The following MON2 variants were observed in gnomAD, a reference collection of about 807,000 sequenced individuals.
MON2 encodes protein MON2 homolog.
In MON2, 84 loss-of-function variants were observed where a neutral mutation model predicts 208.6. The ratio of observed to expected loss-of-function variants is 0.40; its 90% confidence interval spans 0.34 to 0.48. MON2 has a LOEUF of 0.48. Ranked by LOEUF, MON2 falls within the 20% of genes least tolerant of loss-of-function variation. MON2 has a pLI of 0.59. For missense variants in MON2, 1,611 were observed against 2,015.4 expected, an observed-to-expected ratio of 0.80 and a Z score of 3.84; for synonymous variants, 660 against 694.0, an observed-to-expected ratio of 0.95 and a Z score of 0.77.
intron 33 of MON2, 75 bp from the exon 34 acceptor site, chr12:62,587,999 A>G (rs1392998853): frequency 1.1e-6 from 1 of 898,722 alleles, no homozygotes; most frequent in Non-Finnish European, 1.8e-6. Context: ...CTATTTGTAC[A>G]AACTTAGTTT....
chr12:62,552,994 G>A lies in MON2; in HGVS notation c.3030G>A (p.Arg1010=). Residue 1010 remains arginine (R), a synonymous_variant, in exon 24 of 35, where the codon CGG becomes CGA. Coordinates refer to ENST00000393630, the MANE Select transcript of MON2 (RefSeq NM_015026.3). ...QAEEKGVVLN[R]PFHPAPPFDC... ...AAGAGAAAGGAGTTGTTTTAAATCG[G>A]CCATTCCACCCTGCACCGCCATTTG... 6.2e-7 allele frequency: 1 copy of A among 1,614,152 alleles called. No homozygotes were observed. Among genetic ancestry groups the A allele is most frequent in the African/African-American group, 1.3e-5 (1 of 75,046 alleles).
chr12:62,489,294 TTAAA>T (rs1368051278), intron 2 of MON2, among the ~76,000 whole-genome samples: 1 of 152,150 alleles, frequency 6.6e-6, no homozygotes, highest in African/African-American at 2.4e-5. Context: ...CTTTTGGTAA[TTAAA>T]TAGACAAATG....
Position 62,565,384 on chromosome 12 carries a change from A to T in MON2, c.4176+4A>T. ...TGCAAATGCAAAATATAATCAGGTAATTTACTGTAAATTTTATTTACTTTG... is the reference window on the plus strand; with the variant it reads ...TGCAAATGCAAAATATAATCAGGTATTTTACTGTAAATTTTATTTACTTTG... On this transcript the variant is annotated splice_donor_region_variant and intron_variant, in intron 27 of 34. Coordinates refer to ENST00000393630, the MANE Select transcript of MON2 (RefSeq NM_015026.3). 6.3e-7 allele frequency: 1 copy of T among 1,593,814 alleles called. No homozygotes were observed. Among genetic ancestry groups the T allele is most frequent in the Non-Finnish European group, 8.5e-7 (1 of 1,169,808 alleles).
At position 62,560,916 on chromosome 12, in the gene MON2, A is replaced by G. The variant is rs1423502121; in HGVS notation, c.3835A>G (p.Ile1279Val). ...SQPFLTALIQIFPALYQHIKT... is the reference protein window; with the variant it reads ...SQPFLTALIQVFPALYQHIKT... Reference sequence around the variant, plus strand: ...GCCTTTTCTTACAGCTTTAATTCAGATATTTCCAGCTCTCTACCAACACAT... The same window carrying G: ...GCCTTTTCTTACAGCTTTAATTCAGGTATTTCCAGCTCTCTACCAACACAT... The change falls in exon 26 of 35, where the codon ATA (isoleucine) becomes GTA (valine). Residue 1279 changes from isoleucine (I) to valine (V), a missense_variant. Ile to Val is a conservative substitution (Grantham distance 29). Coordinates refer to ENST00000393630, the MANE Select transcript of MON2 (RefSeq NM_015026.3). The G allele has an allele frequency of 4.3e-6, 7 of 1,613,728 alleles. No homozygotes were observed. The highest frequency in any genetic ancestry group is 5.1e-6 in the Non-Finnish European group (6 of 1,179,774).
rs1031557894 is a variant in MON2 at position 62,595,452 on chromosome 12, T to A, written c.*2703T>A. 1.3e-5 allele frequency: 2 copies of A among 152,228 alleles called. No individual in the cohort carries two copies. The highest frequency in any genetic ancestry group is 4.8e-5 in the African/African-American group (2 of 41,446). 9.4% of individuals were successfully genotyped at this position (152,228 alleles called of 1,614,324 possible). On this transcript the variant is annotated 3_prime_UTR_variant, in exon 35 of 35. Transcript: ENST00000393630. Reference sequence around the variant, plus strand: ...GAGCCACTGCGCCCAGCCAATACCATGAGTTTTAAGCCTCACATCGTCACT... The same window carrying A: ...GAGCCACTGCGCCCAGCCAATACCAAGAGTTTTAAGCCTCACATCGTCACT...
intron 8 of MON2, among the ~76,000 whole-genome samples, chr12:62,509,402 A>G (rs527493378): frequency 6.6e-6 from 1 of 152,362 alleles, no homozygotes; most frequent in South Asian, 2.1e-4. Flanking sequence ...GGCGTCAGCC[A>G]CCATGCCTGG....
At position 62,538,150 on chromosome 12, in the gene MON2, G is replaced by A. The variant is rs147434526; in HGVS notation, c.2173G>A (p.Gly725Arg). The change falls in exon 17 of 35, where the codon GGG becomes AGG. Residue 725 changes from glycine to arginine, a missense_variant. Coordinates refer to ENST00000393630, the MANE Select transcript of MON2 (RefSeq NM_015026.3). ...KPSSGGALKP[G>R]RAVEGPSTVL... The stretch of plus-strand genomic sequence containing the variant: ...TAGTAGTGGCGGTGCCTTGAAACCT[G>A]GGAGAGCTGTAGAAGGACCCAGTAC... 257 of 1,613,744 alleles carry A rather than the reference G, an allele frequency of 1.6e-4. No homozygotes were observed. In the Middle Eastern group the frequency reaches 2.6e-3, roughly 17 times the overall value.
At chr12:62,543,492 C>CTGA (rs2073333413) in intron 20 of MON2, among the ~76,000 whole-genome samples, 1 of 152,198 alleles carries the variant, frequency 6.6e-6, no homozygotes. Context: ...GTCTCTTGAT[C>CTGA]CACCTCACCT....
intron 1 of MON2, among the ~76,000 whole-genome samples, chr12:62,479,439 C>T (rs1280089879): frequency 6.9e-6 from 1 of 145,520 alleles, no homozygotes; most frequent in Non-Finnish European, 1.5e-5. Flanking sequence ...TATCCCCCCC[C>T]CCCCCCAAAT....
At chr12:62,566,264 A>G in intron 28 of MON2, 58 bp from the exon 29 acceptor site, 3 of 1,566,654 alleles carry the variant, frequency 1.9e-6, no homozygotes, top group Non-Finnish European at 2.6e-6. Context: ...TTTGAAAACA[A>G]TATGATTAAT....
At chr12:62,537,524 C>A in intron 15 of MON2, 78 bp from the exon 16 acceptor site, 1 of 1,094,028 alleles carries the variant, frequency 9.1e-7, no homozygotes, top group Non-Finnish European at 1.3e-6. Flanking sequence ...TCTTTTAACA[C>A]ATTAATGCTA....
At chr12:62,526,669 A>G (rs147367321) in intron 11 of MON2, among the ~76,000 whole-genome samples, 18 of 152,288 alleles carry the variant, frequency 1.2e-4, no homozygotes, top group African/African-American at 3.6e-4. Flanking sequence ...AGCCATTTCA[A>G]TTTAACAAAT....
chr12:62,570,005 C>T (rs934459804), intron 29 of MON2, among the ~76,000 whole-genome samples: 8 of 152,134 alleles, frequency 5.3e-5, no homozygotes, highest in African/African-American at 1.9e-4. Flanking sequence ...AATTTTTACT[C>T]TAATGCAAAT....
chr12:62,583,298 C>T (rs2075069109), intron 32 of MON2, among the ~76,000 whole-genome samples: 1 of 152,044 alleles, frequency 6.6e-6, no homozygotes, highest in African/African-American at 2.4e-5. Flanking sequence ...CACCACTGCA[C>T]TCCAGCCTAG....
intron 24 of MON2, among the ~76,000 whole-genome samples, chr12:62,553,750 G>C (rs978086864): frequency 2.0e-5 from 3 of 152,116 alleles, no homozygotes; most frequent in African/African-American, 7.2e-5. Context: ...AAAATCAGCA[G>C]TTTATTAGTG....
In MON2 at chr12:62,590,157, C is replaced by T. The variant is rs143936238; in HGVS notation, c.4990+2001C>T. 6.7e-3 allele frequency among the ~76,000 whole-genome samples: 1,025 copies of T among 152,232 alleles called. 8 individuals are homozygous for T. The highest frequency in any genetic ancestry group is 0.011 in the Non-Finnish European group (735 of 68,022). ...CCAGGCTAGTGTGCAGTGGTGTGAT[C>T]TGTGCTTACTGCGGCGTTGACCTCC... On this transcript the variant is annotated intron_variant, in intron 34 of 34. Transcript: ENST00000393630.
At position 62,499,006 on chromosome 12, in the gene MON2, G is replaced by A. The variant is rs1219805155; in HGVS notation, c.523G>A (p.Val175Ile). 2 of 1,613,426 alleles carry A rather than the reference G, an allele frequency of 1.2e-6. No individual in the cohort carries two copies. Among genetic ancestry groups the A allele is most frequent in the Admixed American group, 3.3e-5 (2 of 59,890 alleles). ...TGCTACAGTGCGACAAGTTGTTACT[G>A]TTGTTTTTGAGAGGATGGTTGCTGA... ...AAATVRQVVTVVFERMVAEDE... is the reference protein window; with the variant it reads ...AAATVRQVVTIVFERMVAEDE... The change falls in exon 5 of 35, where the codon GTT becomes ATT. Residue 175 changes from valine (V) to isoleucine (I), a missense_variant. Physicochemically the swap from Val to Ile is conservative, Grantham distance 29. Coordinates refer to ENST00000393630, the MANE Select transcript of MON2 (RefSeq NM_015026.3).
chr12:62,542,508 G>A (rs1284789667), intron 19 of MON2, among the ~76,000 whole-genome samples: 1 of 152,072 alleles, frequency 6.6e-6, no homozygotes, highest in Non-Finnish European at 1.5e-5. Flanking sequence ...ACTGCCCTTT[G>A]ATCTTTTCTG....
chr12:62,467,027 G>A lies in MON2; in HGVS notation c.-181G>A. 2 of 552,288 alleles carry A rather than the reference G, an allele frequency of 3.6e-6. No homozygotes were observed. The highest frequency in any genetic ancestry group is 4.5e-5 in the South Asian group (2 of 44,610). The allele number at this position is 552,288 out of a possible 1,614,324, so 34.2% of individuals were successfully genotyped here. A position where few individuals can be genotyped will look rare whatever the true frequency, so the allele number is the denominator to read the frequency against. On this transcript the variant is annotated 5_prime_UTR_variant, in exon 1 of 35. Transcript: ENST00000393630. ...GGGGGCGCCTCCGAGAAAAGCCAGA[G>A]GTGTTGCGGGGAAGCTGCTGGGGGA...
Sources: gnomAD v4.1 joint callset for allele counts (sites outside exome capture counted in the v4.1 genomes callset) on GRCh38, gnomAD v4.1.1 for gene constraint, MANE v1.5 for transcripts, NCBI Gene and HGNC (gene_info 2026-07-23, HGNC 2026-07-21) for gene names.